Variants in RAB3C observed in about 807,000 individuals in gnomAD.
The protein encoded by RAB3C is RAB3C, member RAS oncogene family.
In RAB3C, 17 loss-of-function variants were observed where a neutral mutation model predicts 26.4. The ratio of observed to expected loss-of-function variants is 0.64; its 90% CI spans 0.44 to 0.97. The LOEUF (loss-of-function observed/expected upper bound fraction) is 0.97. Ranked by LOEUF, RAB3C falls within the 50% of genes least tolerant of loss-of-function variation. The pLI, the probability that RAB3C is intolerant of heterozygous loss-of-function variation, is 0.00. For synonymous variants in RAB3C, 91 were observed against 95.9 expected (o/e 0.95, Z 0.30); for missense variants, 242 against 281.9 (o/e 0.86, Z 1.01).
intron 3 of RAB3C, among the ~76,000 whole-genome samples, chr5:58,821,562 CTT>C (rs1743343277): frequency 6.6e-6 from 1 of 152,138 alleles, no homozygotes; most frequent in Non-Finnish European, 1.5e-5. Flanking sequence ...GAAGTTCTGT[CTT>C]TATTTCTCCA....
chr5:58,609,138 A>G (rs556342934), intron 1 of RAB3C, among the ~76,000 whole-genome samples: 1 of 152,296 alleles, frequency 6.6e-6, no homozygotes, highest in East Asian at 1.9e-4. Flanking sequence ...ATGTGTACCT[A>G]TGTAACAAAC....
intron 3 of RAB3C, among the ~76,000 whole-genome samples, chr5:58,746,236 C>T (rs1741400252): frequency 6.6e-6 from 1 of 152,152 alleles, no homozygotes; most frequent in Non-Finnish European, 1.5e-5. Flanking sequence ...ACCTCTCACT[C>T]CAGGCAAAAT....
At chr5:58,744,040 A>T (rs1741338568) in intron 3 of RAB3C, among the ~76,000 whole-genome samples, 1 of 152,172 alleles carries the variant, frequency 6.6e-6, no homozygotes, top group South Asian at 2.1e-4. Flanking sequence ...AAATTTTGTG[A>T]CTCAGATAGA....
chr5:58,772,544 G>A (rs1487018729), intron 3 of RAB3C, among the ~76,000 whole-genome samples: 1 of 152,120 alleles, frequency 6.6e-6, no homozygotes, highest in African/African-American at 2.4e-5. Flanking sequence ...CCAAGTCCCT[G>A]GAGAATGTTC....
chr5:58,712,281 G>A (rs572085762), intron 2 of RAB3C, among the ~76,000 whole-genome samples: 14 of 152,090 alleles, frequency 9.2e-5, no homozygotes, highest in African/African-American at 2.4e-4. Flanking sequence ...GTTGTATCTC[G>A]TAGATGTTTA....
chr5:58,660,858 A>G (rs1483391025), intron 2 of RAB3C, among the ~76,000 whole-genome samples: 1 of 150,044 alleles, frequency 6.7e-6, no homozygotes, highest in Non-Finnish European at 1.5e-5. Context: ...CATGGACTGA[A>G]AGTGAGACCT....
intron 2 of RAB3C, among the ~76,000 whole-genome samples, chr5:58,678,261 A>G (rs796396113): frequency 9.8e-5 from 15 of 152,326 alleles, no homozygotes; most frequent in African/African-American, 3.6e-4. Context: ...TTTGGTGGCT[A>G]GGAATGAAAC....
At chr5:58,758,683 G>T (rs974622150) in intron 3 of RAB3C, among the ~76,000 whole-genome samples, 2 of 152,116 alleles carry the variant, frequency 1.3e-5, no homozygotes, top group Non-Finnish European at 2.9e-5. Context: ...GTTTTGAAAG[G>T]TGTTTTAAAA....
chr5:58,831,240 A>G (rs1020601106), intron 4 of RAB3C, among the ~76,000 whole-genome samples: 5 of 152,186 alleles, frequency 3.3e-5, no homozygotes, highest in African/African-American at 1.2e-4. Context: ...AAGGTAGGGC[A>G]TATGTAGCTG....
At chr5:58,831,286 A>G (rs1743608605) in intron 4 of RAB3C, among the ~76,000 whole-genome samples, 1 of 152,040 alleles carries the variant, frequency 6.6e-6, no homozygotes, top group African/African-American at 2.4e-5. Flanking sequence ...GGACCCCACA[A>G]TCTTTCAGTG....
chr5:58,653,949 G>A (rs1041930818), intron 2 of RAB3C, among the ~76,000 whole-genome samples: 5 of 152,138 alleles, frequency 3.3e-5, no homozygotes, highest in Admixed American at 6.5e-5. Context: ...CATACCAGCA[G>A]CCTTAAGAAT....
intron 3 of RAB3C, among the ~76,000 whole-genome samples, chr5:58,755,577 C>T (rs2111968068): frequency 6.6e-6 from 1 of 152,278 alleles, no homozygotes; most frequent in East Asian, 1.9e-4. Context: ...GCAAGGGTGG[C>T]TGATGGCATC....
chr5:58,830,869 C>T (rs762837684), intron 4 of RAB3C, among the ~76,000 whole-genome samples: 8 of 117,130 alleles, frequency 6.8e-5, no homozygotes, highest in Non-Finnish European at 1.1e-4. Flanking sequence ...TCTTGAGTCA[C>T]GCAATAGGTC....
chr5:58,762,910 T>G (rs1741828012), intron 3 of RAB3C, among the ~76,000 whole-genome samples: 2 of 152,218 alleles, frequency 1.3e-5, no homozygotes, highest in South Asian at 4.1e-4. Context: ...AATGAATATA[T>G]GTTACAGAAT....
At chr5:58,700,352 G>A (rs377244088) in intron 2 of RAB3C, among the ~76,000 whole-genome samples, 50 of 152,286 alleles carry the variant, frequency 3.3e-4, no homozygotes, top group South Asian at 2.7e-3. Flanking sequence ...ACATGTTCAC[G>A]TTCTGTGATG....
chr5:58,769,374 G>A (rs1741979901), intron 3 of RAB3C, among the ~76,000 whole-genome samples: 1 of 152,052 alleles, frequency 6.6e-6, no homozygotes, highest in South Asian at 2.1e-4. Flanking sequence ...ATTAAAGTAT[G>A]TGTACATTGG....
chr5:58,711,923 G>A (rs1237785707), intron 2 of RAB3C, among the ~76,000 whole-genome samples: 1 of 152,082 alleles, frequency 6.6e-6, no homozygotes, highest in Non-Finnish European at 1.5e-5. Flanking sequence ...ATTTTTCAAT[G>A]CCAAACAGAA....
At chr5:58,599,575 A>G (rs1746404593) in intron 1 of RAB3C, among the ~76,000 whole-genome samples, 1 of 152,158 alleles carries the variant, frequency 6.6e-6, no homozygotes, top group South Asian at 2.1e-4. Context: ...ACTCTGGGAA[A>G]CCGCTGGAAC....
intron 4 of RAB3C, among the ~76,000 whole-genome samples, chr5:58,849,937 A>G (rs1744079361): frequency 6.6e-6 from 1 of 152,216 alleles, no homozygotes; most frequent in South Asian, 2.1e-4. Context: ...TGATTTCATC[A>G]TTTTGAATCC....
Sources: allele counts gnomAD v4.1 joint callset (sites outside exome capture counted in the v4.1 genomes callset), GRCh38; gene constraint gnomAD v4.1.1; transcripts MANE v1.5; gene names NCBI Gene and HGNC (gene_info 2026-07-23, HGNC 2026-07-21).